The following TMEM132B variants were observed in gnomAD, a reference collection of about 807,000 sequenced individuals.
TMEM132B encodes the protein transmembrane protein 132B.
In TMEM132B, 18 loss-of-function variants were observed where a neutral mutation model predicts 90.8. That is an observed-to-expected ratio of 0.20 (90% CI 0.14 to 0.29). TMEM132B has a LOEUF of 0.29. Ranked by LOEUF, TMEM132B falls within the 10% of genes least tolerant of loss-of-function variation. The pLI, the probability that TMEM132B is intolerant of heterozygous loss-of-function variation, is 1.00. For synonymous variants in TMEM132B, 504 were observed against 523.3 expected (o/e 0.96, Z 0.50); for missense variants, 1,096 against 1,326.8 (o/e 0.83, Z 2.70).
intron 1 of TMEM132B, among the ~76,000 whole-genome samples, chr12:125,334,601 G>A (rs1418859842): frequency 6.6e-6 from 1 of 152,156 alleles, no homozygotes; most frequent in Non-Finnish European, 1.5e-5. Context: ...CTGGTTCCTC[G>A]GAGCTGTCAG....
At chr12:125,225,714 G>A (rs555867344) in intron 1 of TMEM132B, among the ~76,000 whole-genome samples, 20 of 152,246 alleles carry the variant, frequency 1.3e-4, no homozygotes, top group South Asian at 1.2e-3. Context: ...ACTTACCTCC[G>A]CGGGGCTTGC....
At chr12:125,581,058 T>C (rs1052956334) in intron 4 of TMEM132B, among the ~76,000 whole-genome samples, 5 of 152,166 alleles carry the variant, frequency 3.3e-5, no homozygotes, top group African/African-American at 9.7e-5. Flanking sequence ...CAGCTACCCA[T>C]GAAAAAGCTG....
intron 3 of TMEM132B, among the ~76,000 whole-genome samples, chr12:125,485,331 T>A (rs1882172339): frequency 6.6e-6 from 1 of 152,156 alleles, no homozygotes; most frequent in Admixed American, 6.5e-5. Context: ...CTTCCCCCTT[T>A]CCCCTTGGCA....
intron 3 of TMEM132B, among the ~76,000 whole-genome samples, chr12:125,474,240 T>C (rs1881809303): frequency 6.6e-6 from 1 of 151,184 alleles, no homozygotes; most frequent in Admixed American, 6.6e-5. Context: ...TCTCTTCTCT[T>C]TTCTCTCTCC....
intron 2 of TMEM132B, among the ~76,000 whole-genome samples, chr12:125,358,210 C>T (rs931985164): frequency 6.6e-6 from 1 of 151,966 alleles, no homozygotes; most frequent in African/African-American, 2.4e-5. Flanking sequence ...ATGCTAAGAG[C>T]CATGAAGGAA....
At chr12:125,327,822 A>G (rs1876633548) in intron 1 of TMEM132B, among the ~76,000 whole-genome samples, 1 of 152,198 alleles carries the variant, frequency 6.6e-6, no homozygotes, top group East Asian at 1.9e-4. Context: ...TGGCTGGCAG[A>G]TGCTGGGTGC....
At chr12:125,638,518 A>G (rs775117791) in intron 5 of TMEM132B, among the ~76,000 whole-genome samples, 3 of 152,120 alleles carry the variant, frequency 2.0e-5, no homozygotes, top group Non-Finnish European at 4.4e-5. Flanking sequence ...TTCTCTACAT[A>G]GTTTTGATTC....
At chr12:125,238,575 A>G (rs1396937301) in intron 1 of TMEM132B, among the ~76,000 whole-genome samples, 1 of 152,178 alleles carries the variant, frequency 6.6e-6, no homozygotes, top group Non-Finnish European at 1.5e-5. Flanking sequence ...TATTTTGATA[A>G]GTCTGGTGCT....
chr12:125,441,550 C>T (rs908289823), intron 3 of TMEM132B, among the ~76,000 whole-genome samples: 13 of 152,226 alleles, frequency 8.5e-5, no homozygotes, highest in Admixed American at 8.5e-4. Context: ...TGTGTTAAAC[C>T]TGTGTTGGTC....
At position 125,288,479 on chromosome 12, in the gene TMEM132B, A is replaced by AAG. The variant is rs1555236486; in HGVS notation, c.68-60972_68-60971insGA. Among the ~76,000 whole-genome samples, 1,083 of 148,462 alleles carry AAG rather than the reference A, an allele frequency of 7.3e-3. 12 individuals are homozygous for AAG. Among genetic ancestry groups the AAG allele is most frequent in the African/African-American group, 0.022 (873 of 39,900 alleles). ...CTCCATCTCAAAAAAAAAAAAAAAA[A>AAG]AAGAGCTGCTAGCTTTGCAGCAGGG... is the stretch of plus-strand genomic sequence containing the variant. On this transcript the variant is annotated intron_variant, in intron 1 of 8. Coordinates refer to ENST00000682704, the MANE Select transcript of TMEM132B (RefSeq NM_001366854.1).
At chr12:125,581,547 A>G (rs937878775) in intron 4 of TMEM132B, among the ~76,000 whole-genome samples, 2 of 152,100 alleles carry the variant, frequency 1.3e-5, no homozygotes, top group African/African-American at 4.8e-5. Context: ...GCGAAGTCTG[A>G]CTGGGTGTTC....
chr12:125,279,466 G>A (rs141541809), intron 1 of TMEM132B, among the ~76,000 whole-genome samples: 44 of 152,324 alleles, frequency 2.9e-4, no homozygotes, highest in African/African-American at 1.0e-3. Flanking sequence ...TACATGCTAG[G>A]CAGAGGGGTC....
intron 1 of TMEM132B, among the ~76,000 whole-genome samples, chr12:125,218,212 G>T (rs1873481550): frequency 6.6e-6 from 1 of 152,066 alleles, no homozygotes. Flanking sequence ...ACAAGGGATG[G>T]GAGGTGATAA....
chr12:125,203,237 C>T lies in TMEM132B; in HGVS notation c.67+16371C>T, dbSNP rs575815011. 2.0e-5 allele frequency among the ~76,000 whole-genome samples: 3 copies of T among 152,310 alleles called. No homozygotes were observed. The East Asian group carries it at 5.8e-4, about 29-fold the overall frequency. ...GGTACAAGAGGCCCTTCCTTGTCCC[C>T]ATCCCTTCCCCTGCTATCAAAAATG... On this transcript the variant is annotated intron_variant, in intron 1 of 8. Transcript: ENST00000682704.
chr12:125,389,244 A>T (rs368990164), intron 2 of TMEM132B, among the ~76,000 whole-genome samples: 16 of 152,290 alleles, frequency 1.1e-4, no homozygotes, highest in African/African-American at 3.8e-4. Context: ...TTAAAGCAGG[A>T]TGTCAGGATA....
At chr12:125,526,298 C>G (rs1012930784) in intron 4 of TMEM132B, among the ~76,000 whole-genome samples, 1 of 152,226 alleles carries the variant, frequency 6.6e-6, no homozygotes, top group Non-Finnish European at 1.5e-5. Flanking sequence ...GCTCCTCGCA[C>G]AGGGGTTGTC....
At chr12:125,211,551 G>T (rs1046304954) in intron 1 of TMEM132B, among the ~76,000 whole-genome samples, 1 of 152,152 alleles carries the variant, frequency 6.6e-6, no homozygotes, top group African/African-American at 2.4e-5. Flanking sequence ...TTGGAACAGT[G>T]GCCTGGAGGC....
In TMEM132B at chr12:125,361,219, T is replaced by C. The variant is rs535140420; in HGVS notation, c.959+10876T>C. Among the ~76,000 whole-genome samples the C allele has an allele frequency of 6.6e-5, 10 of 152,168 alleles. No individual in the cohort carries two copies. In the East Asian group the frequency reaches 1.9e-3, roughly 29 times the overall value. On this transcript the variant is annotated intron_variant, in intron 2 of 8. Transcript: ENST00000682704. ...CTTGCTATGAGTTTCTTATGTACGT[T>C]GTCATCACTCATCCTCAGGACAGCT...
intron 5 of TMEM132B, among the ~76,000 whole-genome samples, chr12:125,593,776 T>G (rs1184858527): frequency 6.6e-6 from 1 of 152,184 alleles, no homozygotes; most frequent in Non-Finnish European, 1.5e-5. Context: ...AAACTCAAAT[T>G]AAAAAACTTT....
Sources: allele counts gnomAD v4.1 joint callset (sites outside exome capture counted in the v4.1 genomes callset), GRCh38; gene constraint gnomAD v4.1.1; transcripts MANE v1.5; gene names NCBI Gene and HGNC (gene_info 2026-07-23, HGNC 2026-07-21).